ARHGEF12: variants seen among roughly 807,000 people sequenced by gnomAD.
ARHGEF12 encodes KMT2A/ARHGEF12 fusion protein.
In ARHGEF12, 66 loss-of-function variants were observed where a neutral mutation model predicts 211.2. The observed-to-expected ratio is 0.31, with a 90% confidence interval of 0.26 to 0.38. The LOEUF (loss-of-function observed/expected upper bound fraction) is 0.38, where lower values mean the gene tolerates loss of function less well. ARHGEF12 is among the 10% of genes least tolerant of loss of function. The pLI is 1.00. For synonymous variants in ARHGEF12, 592 were observed against 638.4 expected (o/e 0.93, Z 1.09); for missense variants, 1,429 against 1,869.5 (o/e 0.76, Z 4.34).
intron 40 of ARHGEF12, among the ~76,000 whole-genome samples, chr11:120,484,762 C>T (rs897676636): frequency 1.3e-5 from 2 of 152,176 alleles, no homozygotes; most frequent in Non-Finnish European, 2.9e-5. Context: ...AAGCAGAAGG[C>T]AGAGCAGTGG....
At chr11:120,389,654 A>G (rs1016137928) in intron 1 of ARHGEF12, among the ~76,000 whole-genome samples, 2 of 152,124 alleles carry the variant, frequency 1.3e-5, no homozygotes, top group African/African-American at 4.8e-5. Context: ...CAGTTAAACT[A>G]TTTTTTACTA....
At chr11:120,417,111 A>G (rs901987048) in intron 4 of ARHGEF12, among the ~76,000 whole-genome samples, 1 of 152,112 alleles carries the variant, frequency 6.6e-6, no homozygotes, top group Non-Finnish European at 1.5e-5. Context: ...TAACTACTTT[A>G]TATATTTTTT....
chr11:120,470,542 G>C lies in ARHGEF12; in HGVS notation c.2955+1154G>C, dbSNP rs78286896. 1.2e-4 allele frequency among the ~76,000 whole-genome samples: 18 copies of C among 152,320 alleles called. No homozygotes were observed. In the East Asian group the frequency reaches 3.5e-3, roughly 29 times the overall value. On this transcript the variant is annotated intron_variant, in intron 30 of 40. Transcript: ENST00000397843. Reference sequence around the variant, plus strand: ...GTTGGCTGTATGGGCCCACCTCTAAGAGGACCATGTTGAAGATAAAAATTC... The same window carrying C: ...GTTGGCTGTATGGGCCCACCTCTAACAGGACCATGTTGAAGATAAAAATTC...
intron 27 of ARHGEF12, among the ~76,000 whole-genome samples, chr11:120,461,205 CCAAT>C (rs1285781019): frequency 6.6e-6 from 1 of 152,098 alleles, no homozygotes; most frequent in East Asian, 1.9e-4. Flanking sequence ...TTTGCCCAGA[CCAAT>C]CAGAGGAATC....
chr11:120,466,199 T>C (rs1340017431), intron 28 of ARHGEF12, among the ~76,000 whole-genome samples: 1 of 152,262 alleles, frequency 6.6e-6, no homozygotes, highest in Non-Finnish European at 1.5e-5. Context: ...CAGCGGGAGC[T>C]GCAGTTTTCA....
chr11:120,383,383 CACATT>C (rs1303007027), intron 1 of ARHGEF12, among the ~76,000 whole-genome samples: 1 of 152,036 alleles, frequency 6.6e-6, no homozygotes, highest in Non-Finnish European at 1.5e-5. Flanking sequence ...GTGATTCAAG[CACATT>C]ACATTTATTG....
At chr11:120,453,710 C>T (rs1946278386) in intron 22 of ARHGEF12, among the ~76,000 whole-genome samples, 1 of 152,056 alleles carries the variant, frequency 6.6e-6, no homozygotes, top group African/African-American at 2.4e-5. Context: ...AGAATGAGAC[C>T]CTATCTCAAG....
chr11:120,473,901 G>C (rs1265565235), intron 31 of ARHGEF12, among the ~76,000 whole-genome samples: 1 of 152,154 alleles, frequency 6.6e-6, no homozygotes, highest in African/African-American at 2.4e-5. Context: ...AAGTGTTTTT[G>C]TACCATTTCA....
At chr11:120,407,960 A>AT (rs1292701507) in intron 3 of ARHGEF12, 137 bp downstream of exon 3, 1 of 667,850 alleles carries the variant, frequency 1.5e-6, no homozygotes, top group Non-Finnish European at 2.4e-6. Flanking sequence ...TTATATCATA[A>AT]TAAAGCCTTT....
At chr11:120,366,830 C>T (rs1196534467) in intron 1 of ARHGEF12, among the ~76,000 whole-genome samples, 1 of 152,164 alleles carries the variant, frequency 6.6e-6, no homozygotes, top group East Asian at 1.9e-4. Flanking sequence ...GCCTGGCTAA[C>T]ATGGCGAAAC....
At chr11:120,350,822 C>T (rs1233873409) in intron 1 of ARHGEF12, among the ~76,000 whole-genome samples, 3 of 152,078 alleles carry the variant, frequency 2.0e-5, no homozygotes, top group Non-Finnish European at 4.4e-5. Flanking sequence ...TGAAGGAGAA[C>T]CTCTTACTCA....
At chr11:120,352,901 G>A (rs1171957199) in intron 1 of ARHGEF12, among the ~76,000 whole-genome samples, 2 of 152,202 alleles carry the variant, frequency 1.3e-5, no homozygotes, top group Non-Finnish European at 2.9e-5. Context: ...AAGCATGCCA[G>A]GGTCAGCACC....
chr11:120,477,174 CT>C (rs1947060103), intron 34 of ARHGEF12, 44 bp from the exon 35 acceptor site: 1 of 1,226,054 alleles, frequency 8.2e-7, no homozygotes. Flanking sequence ...AAGGATATTT[CT>C]TTTTTCTTTT....
chr11:120,412,753 T>A (rs530825545), intron 4 of ARHGEF12, among the ~76,000 whole-genome samples: 1 of 152,114 alleles, frequency 6.6e-6, no homozygotes, highest in Admixed American at 6.5e-5. Context: ...TGGAAATCAG[T>A]CTTCCTCTTT....
At chr11:120,423,325 T>G (rs552605351) in intron 6 of ARHGEF12, among the ~76,000 whole-genome samples, 2 of 152,282 alleles carry the variant, frequency 1.3e-5, no homozygotes, top group Admixed American at 1.3e-4. Flanking sequence ...AAAACCTGTT[T>G]GGATGAAAGT....
intron 2 of ARHGEF12, among the ~76,000 whole-genome samples, chr11:120,406,826 G>A (rs1002311366): frequency 6.6e-6 from 1 of 152,160 alleles, no homozygotes; most frequent in Non-Finnish European, 1.5e-5. Flanking sequence ...CGAAAGTGCT[G>A]GGATTACAGG....
chr11:120,412,801 A>C (rs545792943), intron 4 of ARHGEF12, among the ~76,000 whole-genome samples: 1 of 151,454 alleles, frequency 6.6e-6, no homozygotes, highest in African/African-American at 2.4e-5. Context: ...TCATTTTTCC[A>C]CTCACCTAGT....
At chr11:120,361,980 G>A (rs1943290500) in intron 1 of ARHGEF12, among the ~76,000 whole-genome samples, 1 of 152,134 alleles carries the variant, frequency 6.6e-6, no homozygotes, top group Non-Finnish European at 1.5e-5. Context: ...CCCCAATTTT[G>A]AAGTTACTTT....
chr11:120,448,203 G>A, intron 19 of ARHGEF12, 31 bp from the exon 20 acceptor site: 1 of 1,507,140 alleles, frequency 6.6e-7, no homozygotes, highest in Non-Finnish European at 9.2e-7. Flanking sequence ...CTTCTCAGAA[G>A]TCTTAATTTA....
Sources: gnomAD v4.1 joint callset for allele counts (sites outside exome capture counted in the v4.1 genomes callset) on GRCh38, gnomAD v4.1.1 for gene constraint, MANE v1.5 for transcripts, NCBI Gene and HGNC (gene_info 2026-07-23, HGNC 2026-07-21) for gene names.